The following CCDC144A variants were observed in gnomAD, a reference collection of about 807,000 sequenced individuals.
The protein encoded by CCDC144A is coiled-coil domain-containing protein 144A.
Under a neutral mutation model 143.8 loss-of-function variants are expected in CCDC144A, and 41 were observed. The observed-to-expected ratio is 0.29, with a 90% CI of 0.22 to 0.37. The LOEUF (loss-of-function observed/expected upper bound fraction) is 0.37, where lower values mean the gene tolerates loss of function less well. Among genes scored for constraint, CCDC144A ranks in the 10% least tolerant of loss-of-function variants. The probability of loss-of-function intolerance (pLI) is 1.00; values close to 1 mark genes in which losing one functional copy is unlikely to be tolerated. For synonymous variants in CCDC144A, 242 were observed against 517.9 expected (o/e 0.47, Z 7.23); for missense variants, 637 against 1,488.8 (o/e 0.43, Z 9.41).
chr17:16,678,186 CT>C, the CCDC144A span, among the ~76,000 whole-genome samples: 3 of 152,028 alleles, frequency 2.0e-5, no homozygotes, highest in Non-Finnish European at 2.9e-5. Flanking sequence ...TCTACATCCC[CT>C]GATCTGAAAA....
chr17:16,702,532 C>T (rs1426186279), intron 2 of CCDC144A, among the ~76,000 whole-genome samples: 1 of 152,136 alleles, frequency 6.6e-6, no homozygotes, highest in Non-Finnish European at 1.5e-5. Flanking sequence ...TGGTCTCTTC[C>T]CTATGTTTTG....
At chr17:16,696,602 C>G (rs1016355633) in intron 2 of CCDC144A, among the ~76,000 whole-genome samples, 18 of 149,000 alleles carry the variant, frequency 1.2e-4, no homozygotes, top group African/African-American at 2.5e-4. Context: ...CCACTGCACT[C>G]CGGCCTGGGT....
rs1194517709 is a variant in CCDC144A at position 16,773,621 on chromosome 17, A to G, written c.4266A>G (p.Lys1422=). Residue 1422 remains lysine, a synonymous_variant, in exon 17 of 17, where the codon AAA becomes AAG. Transcript: ENST00000399273. The part of the protein sequence containing the change: ...TKEYAQILRR[K]YIL ...AATATGCACAGATTTTAAGAAGAAA[A>G]TACATACTCTGAAAGATAAGGCAAT... is the stretch of plus-strand genomic sequence containing the variant. The G allele has an allele frequency of 6.5e-7, 1 of 1,527,366 alleles. No individual in the cohort carries two copies. Among genetic ancestry groups the G allele is most frequent in the African/African-American group, 1.4e-5 (1 of 71,278 alleles). 94.6% of individuals were successfully genotyped at this position (1,527,366 alleles called of 1,614,324 possible). A position where few individuals can be genotyped will look rare whatever the true frequency, so the allele number is the denominator to read the frequency against.
chr17:16,696,025 T>A (rs143809854), intron 2 of CCDC144A, among the ~76,000 whole-genome samples: 108 of 151,934 alleles, frequency 7.1e-4, no homozygotes, highest in African/African-American at 2.5e-3. Context: ...CATGACAGAC[T>A]TTTTTTTGAG....
intron 6 of CCDC144A, among the ~76,000 whole-genome samples, chr17:16,712,816 A>G (rs1407892846): frequency 6.6e-6 from 1 of 152,204 alleles, no homozygotes; most frequent in Non-Finnish European, 1.5e-5. Context: ...TTATTTCACA[A>G]TTAAAGTCTA....
the CCDC144A span, among the ~76,000 whole-genome samples, chr17:16,669,577 C>T: frequency 2.0e-5 from 3 of 152,128 alleles, no homozygotes; most frequent in African/African-American, 4.8e-5. Context: ...TGTCTATGTA[C>T]GAAATATGCT....
intron 12 of CCDC144A, among the ~76,000 whole-genome samples, chr17:16,751,304 A>G (rs1217741511): frequency 2.6e-5 from 4 of 151,906 alleles, no homozygotes; most frequent in Non-Finnish European, 5.9e-5. Context: ...AGGACTCTAC[A>G]CAGGTTCCTT....
chr17:16,718,424 T>C (rs1322472670), intron 6 of CCDC144A, among the ~76,000 whole-genome samples: 1 of 152,216 alleles, frequency 6.6e-6, no homozygotes, highest in African/African-American at 2.4e-5. Flanking sequence ...TATGTCTAAG[T>C]GTTTGAAAGC....
chr17:16,691,102 C>CA (rs1368911263), intron 1 of CCDC144A, among the ~76,000 whole-genome samples: 1 of 152,168 alleles, frequency 6.6e-6, no homozygotes, highest in African/African-American at 2.4e-5. Context: ...GTAATCCCAG[C>CA]ACTTTGGGAG....
chr17:16,759,837 G>T (rs1345673215), intron 12 of CCDC144A, among the ~76,000 whole-genome samples: 1 of 152,222 alleles, frequency 6.6e-6, no homozygotes, highest in African/African-American at 2.4e-5. Flanking sequence ...ATAACAAAAT[G>T]CAGTGTCTCA....
At chr17:16,762,271 G>A (rs1915408443) in intron 13 of CCDC144A, 42 bp from the exon 14 acceptor site, 1 of 1,529,480 alleles carries the variant, frequency 6.5e-7, no homozygotes, top group African/African-American at 1.4e-5. Flanking sequence ...AATTATTCAG[G>A]TTATAATTAC....
rs1235631916 is a variant in CCDC144A, at chr17:16,777,834, C to T, written c.*4201C>T. ...GAAACTAGAACAGTCCAAATCCAAA[C>T]CCAGCAGAAGAAAAGAAATAACAAA... On this transcript the variant is annotated 3_prime_UTR_variant, in exon 17 of 17. Coordinates refer to ENST00000399273, the MANE Select transcript of CCDC144A (RefSeq NM_001382000.1). The T allele has an allele frequency of 3.5e-5, 5 of 142,682 alleles. No individual in the cohort carries two copies. Among genetic ancestry groups the T allele is most frequent in the African/African-American group, 1.4e-4 (5 of 34,764 alleles). The allele number at this position is 142,682 out of a possible 1,614,324, so 8.8% of individuals were successfully genotyped here.
At chr17:16,756,148 T>G (rs1456600918) in intron 12 of CCDC144A, among the ~76,000 whole-genome samples, 1 of 152,198 alleles carries the variant, frequency 6.6e-6, no homozygotes, top group Non-Finnish European at 1.5e-5. Context: ...TTTACATCTC[T>G]CACAAGACTT....
At chr17:16,703,530 C>T (rs3101956) in intron 2 of CCDC144A, among the ~76,000 whole-genome samples, 42,125 of 152,084 alleles carry the variant, frequency 0.28, 6,653 homozygotes, top group African/African-American at 0.44. Context: ...TGCGGCCGGG[C>T]GTGGTGGCTA....
chr17:16,749,406 T>G (rs1914683307), intron 12 of CCDC144A, among the ~76,000 whole-genome samples: 2 of 152,230 alleles, frequency 1.3e-5, no homozygotes, highest in South Asian at 4.1e-4. Context: ...TTCAGAGATC[T>G]TCTTGGTATT....
chr17:16,751,848 C>G (rs1914808748), intron 12 of CCDC144A, among the ~76,000 whole-genome samples: 3 of 152,236 alleles, frequency 2.0e-5, no homozygotes, highest in Non-Finnish European at 2.9e-5. Context: ...CAGCAGATGG[C>G]TGTGGGGAGC....
At chr17:16,693,395 C>G (rs2143033693) in intron 2 of CCDC144A, among the ~76,000 whole-genome samples, 1 of 151,872 alleles carries the variant, frequency 6.6e-6, no homozygotes, top group Non-Finnish European at 1.5e-5. Context: ...CGGCTCACTG[C>G]AGGCTCCACC....
chr17:16,704,377 C>G (rs914810031), intron 2 of CCDC144A, among the ~76,000 whole-genome samples: 2 of 152,144 alleles, frequency 1.3e-5, no homozygotes, highest in Non-Finnish European at 2.9e-5. Context: ...ATGGTGTGAA[C>G]CCGGGAGGCG....
At chr17:16,687,627 C>A (rs1910829371), upstream of CCDC144A, among the ~76,000 whole-genome samples, 2 of 152,162 alleles carry the variant, frequency 1.3e-5, no homozygotes, top group Non-Finnish European at 2.9e-5. Flanking sequence ...CCCTCCTCTT[C>A]CCCACTGAGG....
Sources: allele counts gnomAD v4.1 joint callset (sites outside exome capture counted in the v4.1 genomes callset), GRCh38; gene constraint gnomAD v4.1.1; transcripts MANE v1.5; gene names NCBI Gene and HGNC (gene_info 2026-07-23, HGNC 2026-07-21).